UTY: variants seen among roughly 807,000 people sequenced by gnomAD.
UTY encodes ubiquitously transcribed tetratricopeptide repeat containing, Y-linked.
Under a neutral mutation model 32.5 loss-of-function variants are expected in UTY, and 12 were observed. The observed-to-expected ratio is 0.37, with a 90% confidence interval of 0.24 to 0.60. The LOEUF (loss-of-function observed/expected upper bound fraction) is 0.60, where lower values mean the gene tolerates loss of function less well. UTY is among the 20% of genes least tolerant of loss of function. UTY has a pLI of 0.69. For synonymous variants in UTY, 131 were observed against 103.4 expected, an observed-to-expected ratio of 1.27 and a Z score of -1.62; for missense variants, 303 against 299.2, an observed-to-expected ratio of 1.01 and a Z score of -0.09.
At chrY:13,455,546 G>A (rs989192125) in intron 3 of UTY, among the ~76,000 whole-genome samples, 22 of 33,173 alleles carry the variant, frequency 6.6e-4, no homozygotes, top group Non-Finnish European at 1.3e-3. Context: ...ATTAAAATAG[G>A]CCTATTCTAA....
At chrY:13,464,847 G>A (rs2077753704) in intron 3 of UTY, among the ~76,000 whole-genome samples, 1 of 33,338 alleles carries the variant, frequency 3.0e-5, no homozygotes, top group Admixed American at 2.7e-4. Context: ...GGGAGGCCAA[G>A]GCGGGTGGAT....
At chrY:13,375,315 C>G in intron 8 of UTY, among the ~76,000 whole-genome samples, 2 of 33,901 alleles carry the variant, frequency 5.9e-5, no homozygotes, top group Non-Finnish European at 1.5e-4. Flanking sequence ...AATTTCCTGA[C>G]CTCACATTAT....
intron 28 of UTY, among the ~76,000 whole-genome samples, chrY:13,236,455 A>G: frequency 3.2e-5 from 1 of 30,833 alleles, no homozygotes; most frequent in Non-Finnish European, 7.7e-5. Flanking sequence ...GAAGACCCAG[A>G]ATAGTATGGC....
At chrY:13,254,419 A>G (rs2054508493) in intron 28 of UTY, among the ~76,000 whole-genome samples, 1 of 33,703 alleles carries the variant, frequency 3.0e-5, no homozygotes, top group Non-Finnish European at 7.4e-5. Context: ...GTAAAAAAGG[A>G]AAACATTGGG....
intron 6 of UTY, among the ~76,000 whole-genome samples, chrY:13,405,442 G>T (rs2069761366): frequency 3.1e-5 from 1 of 32,723 alleles, no homozygotes; most frequent in Admixed American, 2.8e-4. Flanking sequence ...ATGAAGGAGA[G>T]AAATTAATCA....
Position 13,341,725 on chromosome Y carries a change from C to T in UTY, c.2062-5390G>A, listed in dbSNP as rs2061496690. On this transcript the variant is annotated intron_variant, in intron 17 of 29. Transcript: ENST00000545955. ...GGGGCAGGAAAATGCACTTTGTAGT[C>T]GATACTGGTGTGGAGCATTCGGTAG... Among the ~76,000 whole-genome samples, 4 of 32,592 alleles carry T rather than the reference C, an allele frequency of 1.2e-4. No homozygotes were observed. In the South Asian group the frequency reaches 2.8e-3, roughly 23 times the overall value. 87.4% of individuals were successfully genotyped at this position (32,592 alleles called of 37,273 possible).
intron 8 of UTY, among the ~76,000 whole-genome samples, chrY:13,379,940 T>TTA (rs2065848586): frequency 8.1e-5 from 1 of 12,339 alleles, no homozygotes; most frequent in Non-Finnish European, 1.7e-4. Context: ...GTATGTGTAT[T>TTA]TATATATATA....
intron 4 of UTY, among the ~76,000 whole-genome samples, chrY:13,420,764 C>T (rs923558560): frequency 1.5e-4 from 5 of 33,030 alleles, no homozygotes; most frequent in East Asian, 7.9e-4. Flanking sequence ...TTAAATGTAA[C>T]GCACAAAACT....
intron 27 of UTY, among the ~76,000 whole-genome samples, chrY:13,270,547 G>T: frequency 3.1e-5 from 1 of 32,596 alleles, no homozygotes; most frequent in Non-Finnish European, 7.5e-5. Flanking sequence ...CTCTCTCAGG[G>T]TGTCATCTCT....
intron 6 of UTY, among the ~76,000 whole-genome samples, chrY:13,408,615 T>C: frequency 3.1e-5 from 1 of 32,653 alleles, no homozygotes; most frequent in Non-Finnish European, 7.6e-5. Flanking sequence ...AGATATTCAT[T>C]CTAACTCACA....
chrY:13,242,376 C>A (rs2053911801), intron 28 of UTY, among the ~76,000 whole-genome samples: 2 of 33,344 alleles, frequency 6.0e-5, no homozygotes, highest in Admixed American at 5.4e-4. Context: ...GTATCCCCTG[C>A]TCTTGGCTCA....
chrY:13,242,753 A>G, intron 28 of UTY, among the ~76,000 whole-genome samples: 1 of 34,164 alleles, frequency 2.9e-5, no homozygotes, highest in Admixed American at 2.6e-4. Flanking sequence ...CTATTGATAT[A>G]AAAAGACACA....
chrY:13,239,044 A>G, intron 28 of UTY, among the ~76,000 whole-genome samples: 1 of 34,009 alleles, frequency 2.9e-5, no homozygotes, highest in South Asian at 6.5e-4. Context: ...AAGCTCAGAA[A>G]GAAGAACATT....
rs1297621021 is a variant in UTY, at chrY:13,355,927, T to G, written c.1661A>C (p.Gln554Pro). ...EQLESQFVLM[Q>P]QMRHKEVAQV... ...AAATAAAAATATTATACATACTTGCTGCATTAAGACAAACTGACTTTCTAA... is the reference window on the plus strand; with the variant it reads ...AAATAAAAATATTATACATACTTGCGGCATTAAGACAAACTGACTTTCTAA... The change falls in exon 16 of 30, where the codon CAG becomes CCG. Residue 554 changes from glutamine to proline, a missense_variant. Physicochemically the swap from Gln to Pro is moderately conservative, Grantham distance 76. Transcript: ENST00000545955. 5.2e-6 allele frequency: 2 copies of G among 383,599 alleles called. No homozygotes were observed. The highest frequency in any genetic ancestry group is 3.6e-6 in the Non-Finnish European group (1 of 274,609).
At chrY:13,251,977 G>A (rs2054203044) in intron 28 of UTY, among the ~76,000 whole-genome samples, 1 of 29,825 alleles carries the variant, frequency 3.4e-5, no homozygotes, top group African/African-American at 1.3e-4. Flanking sequence ...TCAGGAGATC[G>A]AGACCATCCC....
Position 13,305,526 on chromosome Y carries a change from T to C in UTY, c.3438A>G (p.Glu1146=). 2 of 389,382 alleles carry C rather than the reference T, an allele frequency of 5.1e-6. No homozygotes were observed. Among genetic ancestry groups the C allele is most frequent in the Non-Finnish European group, 7.2e-6 (2 of 278,609 alleles). Residue 1146 remains glutamate (E), a synonymous_variant, in exon 24 of 30, where the codon GAA becomes GAG. Coordinates refer to ENST00000545955, the MANE Select transcript of UTY (RefSeq NM_001258249.2). ...DNKKWKLQLH[E]LTKLPAFARV... ...GCGCAAAAGCAGGAAGTTTAGTCAG[T>C]TCATGTAACTGCAACTTCCACCTGC...
At chrY:13,390,041 T>TG in intron 8 of UTY, among the ~76,000 whole-genome samples, 2 of 33,882 alleles carry the variant, frequency 5.9e-5, no homozygotes, top group Non-Finnish European at 1.5e-4. Flanking sequence ...GGATGATTCA[T>TG]TATTAACACA....
intron 4 of UTY, among the ~76,000 whole-genome samples, chrY:13,441,264 T>C: frequency 3.0e-5 from 1 of 33,275 alleles, no homozygotes; most frequent in African/African-American, 1.2e-4. Flanking sequence ...TTTCAAGTCA[T>C]TCAGTGAAGA....
rs746333803 is a variant in UTY at position 13,354,233 on chromosome Y, T to C, written c.2061+770A>G. Among the ~76,000 whole-genome samples the C allele has an allele frequency of 9.1e-5, 3 of 32,972 alleles. No homozygotes were observed. In the South Asian group the frequency reaches 2.1e-3, roughly 23 times the overall value. The allele number at this position is 32,972 out of a possible 37,273, so 88.5% of individuals were successfully genotyped here. On this transcript the variant is annotated intron_variant, in intron 17 of 29. Transcript: ENST00000545955. ...GCCTGACAAACATGGTGAAACCCCA[T>C]CTCCACCAAAATTACAAAAATTAGC...
Sources: allele counts gnomAD v4.1 joint callset (sites outside exome capture counted in the v4.1 genomes callset), GRCh38; gene constraint gnomAD v4.1.1; transcripts MANE v1.5; gene names NCBI Gene and HGNC (gene_info 2026-07-23, HGNC 2026-07-21).